Variants in FKBP11 observed in about 807,000 individuals in gnomAD.
The protein encoded by FKBP11 is FKBP prolyl isomerase 11.
Under a neutral mutation model 24.7 loss-of-function variants are expected in FKBP11, and 21 were observed. The observed-to-expected ratio is 0.85, with a 90% CI of 0.60 to 1.23. The LOEUF (loss-of-function observed/expected upper bound fraction) is 1.23, where lower values mean the gene tolerates loss of function less well. Among genes scored for constraint, FKBP11 ranks in the 50% most tolerant of loss-of-function variants. The probability of loss-of-function intolerance (pLI) is 0.00; values close to 1 mark genes in which losing one functional copy is unlikely to be tolerated. For missense variants in FKBP11, 245 were observed against 248.7 expected (o/e 0.99, Z 0.10); for synonymous variants, 106 against 100.6 (o/e 1.05, Z -0.32).
the FKBP11 span, chr12:48,937,251 A>T: frequency 1.3e-5 from 2 of 152,268 alleles, no homozygotes; most frequent in Admixed American, 6.5e-5. Flanking sequence ...GGGGCTTGGG[A>T]CAGCCCTACT....
At position 48,924,874 on chromosome 12, in the gene FKBP11, GGGAAAAGAGGCAC is replaced by G. The variant is rs1328622995; in HGVS notation, c.195+159_195+171del. 2.8e-6 allele frequency: 4 copies of G among 1,443,792 alleles called. No individual in the cohort carries two copies. In the African/African-American group the frequency reaches 5.7e-5, roughly 21 times the overall value. 89.4% of individuals were successfully genotyped at this position (1,443,792 alleles called of 1,614,324 possible). ...GTAGGAACTGGCAGAAAAGCAAGGAGGGAAAAGAGGCACGGAAGAGCAACGTCTCTCCCCTCGC... is the reference window on the plus strand; with the variant it reads ...GTAGGAACTGGCAGAAAAGCAAGGAGGGAAGAGCAACGTCTCTCCCCTCGC... On this transcript the variant is annotated intron_variant, in intron 2 of 5. Transcript: ENST00000550765.
upstream of FKBP11, among the ~76,000 whole-genome samples, chr12:48,926,829 G>A (rs1190384008): frequency 6.6e-6 from 1 of 151,658 alleles, no homozygotes. Context: ...TGTTTGTTGA[G>A]ACGGAGTTTC....
At chr12:48,925,187 A>G (rs1939933925) in intron 1 of FKBP11, 76 bp from the exon 2 acceptor site, 1 of 1,590,124 alleles carries the variant, frequency 6.3e-7, no homozygotes, top group Non-Finnish European at 8.6e-7. Flanking sequence ...CACCACCCCC[A>G]ACTCAGTTCC....
chr12:48,928,818 CT>C (rs1196484675), upstream of FKBP11, among the ~76,000 whole-genome samples: 919 of 94,234 alleles, frequency 9.8e-3, 4 homozygotes, highest in African/African-American at 0.021. Context: ...AAACTTCTAT[CT>C]TTTTTTTTTT....
chr12:48,926,917 CT>C (rs1475700237), upstream of FKBP11, among the ~76,000 whole-genome samples: 1 of 152,156 alleles, frequency 6.6e-6, no homozygotes, highest in Non-Finnish European at 1.5e-5. Context: ...TCAAGCGATT[CT>C]TTTCTCTCAG....
At chr12:48,933,208 G>T in the FKBP11 span, among the ~76,000 whole-genome samples, 2 of 152,090 alleles carry the variant, frequency 1.3e-5, no homozygotes, top group Admixed American at 6.5e-5. Context: ...CCTTTTCTCA[G>T]GAATTCAGAG....
the FKBP11 span, chr12:48,938,840 C>A: frequency 7.0e-7 from 1 of 1,436,456 alleles, no homozygotes; most frequent in African/African-American, 1.4e-5. Flanking sequence ...GACATGATAC[C>A]CAGGGCCCTG....
Position 48,925,186 on chromosome 12 carries a change from C to T in FKBP11, c.130-75G>A, listed in dbSNP as rs574935493. 3.1e-6 allele frequency: 5 copies of T among 1,590,314 alleles called. No individual in the cohort carries two copies. The South Asian group carries it at 4.6e-5, about 15-fold the overall frequency. ...TCGCCCCTAGACCCGGCACCACCCCCAACTCAGTTCCCGCACTTCCTCTCC... is the reference window on the plus strand; with the variant it reads ...TCGCCCCTAGACCCGGCACCACCCCTAACTCAGTTCCCGCACTTCCTCTCC... On this transcript the variant is annotated intron_variant, in intron 1 of 5. Coordinates refer to ENST00000550765, the MANE Select transcript of FKBP11 (RefSeq NM_016594.3).
At chr12:48,931,400 T>A, upstream of FKBP11, 1 of 1,535,354 alleles carries the variant, frequency 6.5e-7, no homozygotes, top group South Asian at 1.2e-5. Flanking sequence ...TTAAACACAA[T>A]ATCCACCCAC....
intron 5 of FKBP11, chr12:48,922,818 C>A (rs1448182104): frequency 2.0e-6 from 2 of 1,011,500 alleles, no homozygotes; most frequent in East Asian, 2.2e-4. Flanking sequence ...CCCTACCCTC[C>A]TTCCAGGCCT....
At chr12:48,934,912 T>C in the FKBP11 span, among the ~76,000 whole-genome samples, 1 of 148,998 alleles carries the variant, frequency 6.7e-6, no homozygotes, top group South Asian at 2.1e-4. Flanking sequence ...CTCAGGAGGC[T>C]GAAGCAGGAG....
intron 1 of FKBP11, 92 bp from the exon 2 acceptor site, chr12:48,925,203 T>C (rs1383097607): frequency 6.3e-7 from 1 of 1,586,540 alleles, no homozygotes; most frequent in African/African-American, 1.3e-5. Flanking sequence ...GTTCCCGCAC[T>C]TCCTCTCCTC....
At chr12:48,935,794 T>C in the FKBP11 span, 2 of 152,206 alleles carry the variant, frequency 1.3e-5, no homozygotes, top group Non-Finnish European at 1.5e-5. Context: ...CTGTTCAAAC[T>C]AGAAGCACCT....
At chr12:48,926,764 A>T (rs779668788), upstream of FKBP11, among the ~76,000 whole-genome samples, 39 of 150,602 alleles carry the variant, frequency 2.6e-4, no homozygotes, top group Non-Finnish European at 5.0e-4. Flanking sequence ...AAGTGCTGGG[A>T]TTACAGGTAT....
the FKBP11 span, chr12:48,931,662 G>A: frequency 8.7e-6 from 5 of 576,984 alleles, no homozygotes; most frequent in Non-Finnish European, 1.5e-5. Flanking sequence ...AGACTCATGG[G>A]GCACCCACCA....
chr12:48,933,022 C>G, the FKBP11 span, among the ~76,000 whole-genome samples: 1 of 152,202 alleles, frequency 6.6e-6, no homozygotes, highest in South Asian at 2.1e-4. Context: ...GCCAGATACT[C>G]TCTTCTGCAA....
rs1939851318 is a variant in FKBP11 at position 48,922,150 on chromosome 12, T to G, written c.440A>C (p.Asn147Thr). The G allele has an allele frequency of 6.2e-7, 1 of 1,614,034 alleles. No individual in the cohort carries two copies. The highest frequency in any genetic ancestry group is 8.5e-7 in the Non-Finnish European group (1 of 1,180,030). The change falls in exon 6 of 6, where the codon AAC (asparagine) becomes ACC (threonine). Residue 147 changes from asparagine to threonine, a missense_variant. Transcript: ENST00000550765. ...GCCCTTCACCAGCTTTAGCCAGTAG[T>G]TGGCTCGGATTAGTGCAATCAGCTC... ...DVELIALIRA[N>T]YWLKLVKGIL...
intron 5 of FKBP11, 75 bp from the exon 6 acceptor site, chr12:48,922,276 G>A (rs1939854746): frequency 7.2e-6 from 10 of 1,389,558 alleles, no homozygotes; most frequent in Admixed American, 3.9e-5. Context: ...ATGAAAATAG[G>A]GAGCGTAGGC....
upstream of FKBP11, among the ~76,000 whole-genome samples, chr12:48,930,175 G>A (rs903488363): frequency 1.3e-5 from 2 of 152,196 alleles, no homozygotes; most frequent in African/African-American, 4.8e-5. Flanking sequence ...CCATTAAAAG[G>A]AGATCTAATT....
Sources: gnomAD v4.1 joint callset for allele counts (sites outside exome capture counted in the v4.1 genomes callset) on GRCh38, gnomAD v4.1.1 for gene constraint, MANE v1.5 for transcripts, NCBI Gene and HGNC (gene_info 2026-07-23, HGNC 2026-07-21) for gene names.